Variants in USP31 observed in about 807,000 individuals in gnomAD.
USP31 encodes ubiquitin carboxyl-terminal hydrolase 31.
In USP31, 44 loss-of-function variants were observed where a neutral mutation model predicts 119.4. That is an observed-to-expected ratio of 0.37 (90% CI 0.29 to 0.47). The LOEUF is 0.47. Among genes scored for constraint, USP31 ranks in the 20% least tolerant of loss-of-function variants. The probability of loss-of-function intolerance (pLI) is 0.99; values close to 1 mark genes in which losing one functional copy is unlikely to be tolerated. For missense variants in USP31, 1,643 were observed against 1,730.2 expected (o/e 0.95, Z 0.89); for synonymous variants, 749 against 705.6 (o/e 1.06, Z -0.97).
At chr16:23,103,053 C>G (rs373609172) in intron 5 of USP31, among the ~76,000 whole-genome samples, 174 of 152,256 alleles carry the variant, frequency 1.1e-3, no homozygotes, top group African/African-American at 4.0e-3. Context: ...CTGAGGGACA[C>G]CTGTACTCTG....
At chr16:23,082,400 A>G in intron 12 of USP31, 38 bp downstream of exon 12, 4 of 1,610,642 alleles carry the variant, frequency 2.5e-6, no homozygotes, top group Non-Finnish European at 3.4e-6. Context: ...GAAACTTGTC[A>G]CAACTTGTTT....
At chr16:23,089,079 C>A (rs1436974523) in intron 7 of USP31, among the ~76,000 whole-genome samples, 1 of 152,188 alleles carries the variant, frequency 6.6e-6, no homozygotes, top group East Asian at 1.9e-4. Context: ...AATGACTTCA[C>A]TCTTTAAGAG....
chr16:23,088,645 T>C (rs1901219830), intron 7 of USP31, among the ~76,000 whole-genome samples: 1 of 152,220 alleles, frequency 6.6e-6, no homozygotes, highest in South Asian at 2.1e-4. Flanking sequence ...CTTCTGAGTC[T>C]AGGCTGTCTC....
At chr16:23,090,061 G>C (rs997627495) in intron 7 of USP31, among the ~76,000 whole-genome samples, 2 of 152,144 alleles carry the variant, frequency 1.3e-5, no homozygotes, top group African/African-American at 2.4e-5. Context: ...AGCCTGAACT[G>C]AAAATACACA....
Position 23,072,903 on chromosome 16 carries a change from C to T in USP31, c.2336-706G>A, listed in dbSNP as rs114781472. On this transcript the variant is annotated intron_variant, in intron 14 of 15. Transcript: ENST00000219689. ...GTGGCTGTACACTGGGTGGGCTTGG[C>T]CCCCAGCAGGGCGTCATTCTGCTTG... is the stretch of plus-strand genomic sequence containing the variant. Among the ~76,000 whole-genome samples the T allele has an allele frequency of 4.0e-3, 605 of 151,940 alleles. 7 individuals carry two copies. The highest frequency in any genetic ancestry group is 0.013 in the African/African-American group (550 of 41,434).
In USP31 at chr16:23,087,819, CA is replaced by C; in HGVS notation, c.1431del (p.Phe477LeufsTer5). 6.2e-7 allele frequency: 1 copy of C among 1,613,764 alleles called. No homozygotes were observed. The highest frequency in any genetic ancestry group is 8.5e-7 in the Non-Finnish European group (1 of 1,180,008). ...GCTATTGTCTTCTCTAAGTGCAGCA[CA>C]AAAGGCAGTCCAAATCTAACACACA... is the stretch of plus-strand genomic sequence containing the variant. ...GQQGKRFGLPFVLHLEKTIAW... is the reference protein window; with the variant it reads ...GQQGKRFGLPXVLHLEKTIAW... On this transcript the variant is annotated frameshift_variant, in exon 8 of 16. Transcript: ENST00000219689. LOFTEE classifies it high-confidence loss of function.
intron 13 of USP31, among the ~76,000 whole-genome samples, chr16:23,075,054 G>A (rs961452191): frequency 3.3e-5 from 5 of 152,160 alleles, no homozygotes; most frequent in Admixed American, 6.5e-5. Context: ...AGACTTAAGG[G>A]ATAAAAGAGA....
intron 1 of USP31, among the ~76,000 whole-genome samples, chr16:23,108,708 T>A (rs1297701890): frequency 2.0e-5 from 3 of 152,234 alleles, no homozygotes; most frequent in Non-Finnish European, 4.4e-5. Context: ...TCTAAACACA[T>A]ACCTACATAT....
At chr16:23,075,640 T>C (rs1468194417) in intron 13 of USP31, among the ~76,000 whole-genome samples, 3 of 152,206 alleles carry the variant, frequency 2.0e-5, no homozygotes, top group Non-Finnish European at 2.9e-5. Context: ...AATGCACTAG[T>C]TGATAAAGGA....
chr16:23,101,042 T>G (rs1901831171), intron 6 of USP31, among the ~76,000 whole-genome samples: 1 of 152,184 alleles, frequency 6.6e-6, no homozygotes. Flanking sequence ...TTCAAGGTGT[T>G]TAGATTTGAT....
In USP31 at chr16:23,080,150, G is replaced by C. The variant is rs1036758635; in HGVS notation, c.1972C>G (p.Leu658Val). 2 of 1,563,378 alleles carry C rather than the reference G, an allele frequency of 1.3e-6. No individual in the cohort carries two copies. Among genetic ancestry groups the C allele is most frequent in the African/African-American group, 2.8e-5 (2 of 72,672 alleles). The change falls in exon 13 of 16, where the codon CTT (leucine) becomes GTT (valine). Residue 658 changes from leucine to valine, a missense_variant. Leu to Val is a conservative substitution (Grantham distance 32). Transcript: ENST00000219689. ...AAGGGGAATTTGACCATGTTCTGAA[G>C]TTTCATGCGCCTGTCTCCTTCCTGT... ...FRQEGDRRMK[L>V]QNMVKFPLTG... is the part of the protein sequence containing the mutation.
intron 1 of USP31, among the ~76,000 whole-genome samples, chr16:23,120,654 G>C (rs1004943786): frequency 6.6e-6 from 1 of 152,234 alleles, no homozygotes; most frequent in African/African-American, 2.4e-5. Context: ...GAGAAAAAAA[G>C]AATGGCAGTG....
rs139679902 is a variant in USP31, at chr16:23,111,583, C to G, written c.634-3400G>C. Among the ~76,000 whole-genome samples, 1,234 of 152,188 alleles carry G rather than the reference C, an allele frequency of 8.1e-3. 13 individuals carry two copies. Among genetic ancestry groups the G allele is most frequent in the Admixed American group, 0.012 (176 of 15,294 alleles). Reference sequence around the variant, plus strand: ...TGTGGGCTCACTGCAGGAGTCTATGCTAAGGACAAAGATTTGGAATTCAAC... The same window carrying G: ...TGTGGGCTCACTGCAGGAGTCTATGGTAAGGACAAAGATTTGGAATTCAAC... On this transcript the variant is annotated intron_variant, in intron 1 of 15. Coordinates refer to ENST00000219689, the MANE Select transcript of USP31 (RefSeq NM_020718.4).
At chr16:23,142,492 G>GT (rs1903381118) in intron 1 of USP31, among the ~76,000 whole-genome samples, 1 of 152,154 alleles carries the variant, frequency 6.6e-6, no homozygotes, top group African/African-American at 2.4e-5. Flanking sequence ...GAGACCTGTC[G>GT]TTTCATTGCT....
At chr16:23,069,731 C>CT in intron 15 of USP31, 115 bp from the exon 16 acceptor site, 1 of 1,355,384 alleles carries the variant, frequency 7.4e-7, no homozygotes. Context: ...GGAGCATGAC[C>CT]TTCAGAGCCA....
intron 1 of USP31, among the ~76,000 whole-genome samples, chr16:23,119,202 G>A (rs913942192): frequency 2.4e-4 from 36 of 151,058 alleles, no homozygotes; most frequent in African/African-American, 8.0e-4. Context: ...GAGTTCAAGC[G>A]ATTCTTCTGC....
chr16:23,106,816 A>C (rs550344098), intron 2 of USP31, among the ~76,000 whole-genome samples: 23 of 152,264 alleles, frequency 1.5e-4, no homozygotes, highest in Middle Eastern at 6.8e-3. Flanking sequence ...CAACCACTTT[A>C]AAAGTACTAA....
intron 13 of USP31, among the ~76,000 whole-genome samples, chr16:23,074,787 G>A (rs4967966): frequency 0.28 from 42,835 of 152,122 alleles, 6,372 homozygotes; most frequent in Admixed American, 0.35. Flanking sequence ...AAAAACAGAC[G>A]AAAACTTAAG....
Position 23,073,826 on chromosome 16 carries a change from A to G in USP31, c.2231T>C (p.Val744Ala). The G allele has an allele frequency of 1.2e-6, 2 of 1,614,162 alleles. No individual in the cohort carries two copies. The highest frequency in any genetic ancestry group is 1.7e-6 in the Non-Finnish European group (2 of 1,180,036). ...GLWYCFDDSD[V>A]QQLSEDEVCT... ...GACCTCATCTTCTGACAGCTGCTGCACATCGCTGTCATCGAAGCAGTACCA... is the reference window on the plus strand; with the variant it reads ...GACCTCATCTTCTGACAGCTGCTGCGCATCGCTGTCATCGAAGCAGTACCA... Residue 744 changes from valine to alanine, a missense_variant, in exon 14 of 16, where the codon GTG becomes GCG. Physicochemically the swap from Val to Ala is moderately conservative, Grantham distance 64 (BLOSUM62 0). Around this residue, in one of 5 missense-constraint regions of USP31, gnomAD observed 279 missense variants for 372.2 expected, o/e 0.75. Transcript: ENST00000219689.
Sources: allele counts gnomAD v4.1 joint callset (sites outside exome capture counted in the v4.1 genomes callset), GRCh38; gene constraint gnomAD v4.1.1; regional missense constraint gnomAD v4.1.1; transcripts MANE v1.5; gene names NCBI Gene and HGNC (gene_info 2026-07-23, HGNC 2026-07-21).